The following RPS6KA2 variants were observed in gnomAD, a reference collection of about 807,000 sequenced individuals.
RPS6KA2 encodes the protein ribosomal protein S6 kinase A2, also known as ribosomal protein S6 kinase alpha-2.
RPS6KA2 carries 42 observed loss-of-function variants against 91.8 expected under a neutral mutation model. The ratio of observed to expected loss-of-function variants is 0.46; its 90% CI spans 0.36 to 0.59. The LOEUF is 0.59. Ranked by LOEUF, RPS6KA2 falls within the 20% of genes least tolerant of loss-of-function variation. The pLI is 0.00. For synonymous variants in RPS6KA2, 414 were observed against 393.6 expected (o/e 1.05, Z -0.61); for missense variants, 798 against 978.5 (o/e 0.82, Z 2.46).
intron 3 of RPS6KA2, among the ~76,000 whole-genome samples, chr6:166,519,143 G>A (rs1289055858): frequency 4.6e-5 from 7 of 152,352 alleles, no homozygotes; most frequent in South Asian, 2.1e-4. Flanking sequence ...AGTCCAAGGA[G>A]TTTTCATTTC....
chr6:166,824,610 T>C (rs1043124233), intron 2 of RPS6KA2, among the ~76,000 whole-genome samples: 1 of 148,814 alleles, frequency 6.7e-6, no homozygotes, highest in African/African-American at 2.5e-5. Flanking sequence ...GTCTAATATG[T>C]GTGTGTCTGT....
intron 10 of RPS6KA2, among the ~76,000 whole-genome samples, chr6:166,472,979 A>C (rs1780826820): frequency 6.6e-6 from 1 of 152,188 alleles, no homozygotes; most frequent in South Asian, 2.1e-4. Flanking sequence ...GTTCAGGGGA[A>C]CAGAAGATTC....
At chr6:166,653,737 C>T (rs1456590911) in intron 2 of RPS6KA2, among the ~76,000 whole-genome samples, 2 of 152,190 alleles carry the variant, frequency 1.3e-5, no homozygotes, top group African/African-American at 2.4e-5. Context: ...ACATGAATTC[C>T]AGGTAGCGGC....
chr6:166,613,888 C>T (rs971277856), intron 1 of RPS6KA2, among the ~76,000 whole-genome samples: 2 of 151,252 alleles, frequency 1.3e-5, no homozygotes, highest in Non-Finnish European at 1.5e-5. Context: ...AGGACACAGT[C>T]GGGCTTTCCA....
chr6:166,412,925 T>TCACTC lies in RPS6KA2; in HGVS notation c.2077-43_2077-39dup, dbSNP rs1778363290. 2.6e-6 allele frequency: 4 copies of TCACTC among 1,530,054 alleles called. No homozygotes were observed. The African/African-American group carries it at 5.5e-5, about 21-fold the overall frequency. The allele number at this position is 1,530,054 out of a possible 1,614,324, so 94.8% of individuals were successfully genotyped here. A position where few individuals can be genotyped will look rare whatever the true frequency, so the allele number is the denominator to read the frequency against. The stretch of plus-strand genomic sequence containing the variant: ...AGACAAGGGTGAGAGCCGCGGCGCC[T>TCACTC]CACTCCAGGGGTTGAGCCGGAGCCC... On this transcript the variant is annotated intron_variant, in intron 20 of 20. Coordinates refer to ENST00000265678, the MANE Select transcript of RPS6KA2 (RefSeq NM_021135.6). The surrounding 1 kb of genome is among the most constrained non-coding windows in gnomAD (Gnocchi z 4.3).
At chr6:166,724,947 C>T (rs1009400777) in intron 2 of RPS6KA2, among the ~76,000 whole-genome samples, 4 of 152,092 alleles carry the variant, frequency 2.6e-5, no homozygotes, top group East Asian at 1.9e-4. Flanking sequence ...CCTTTGTATT[C>T]GACTTCTCAA....
intron 2 of RPS6KA2, among the ~76,000 whole-genome samples, chr6:166,783,157 C>G (rs1778815648): frequency 1.3e-5 from 2 of 151,362 alleles, no homozygotes; most frequent in Middle Eastern, 3.4e-3. Context: ...GGAGGCTTCA[C>G]AGCTCACTGC....
At position 166,689,319 on chromosome 6, in the gene RPS6KA2, TC is replaced by T. The variant is rs1789126820; in HGVS notation, c.124-150536del. Among the ~76,000 whole-genome samples, 5 of 152,282 alleles carry T rather than the reference TC, an allele frequency of 3.3e-5. No homozygotes were observed. The South Asian group carries it at 1.0e-3, about 32-fold the overall frequency. Reference sequence around the variant, plus strand: ...CCAGGAGCCCGGGATGAAGGTAGCATCCCAAGGCACTCCTGCAGCGTTAGCA... The same window carrying T: ...CCAGGAGCCCGGGATGAAGGTAGCATCCAAGGCACTCCTGCAGCGTTAGCA... On this transcript the variant is annotated intron_variant, in intron 2 of 21. Coordinates refer to the RPS6KA2 transcript ENST00000503859.
chr6:166,760,550 T>G (rs1315899340), intron 2 of RPS6KA2, among the ~76,000 whole-genome samples: 1 of 152,254 alleles, frequency 6.6e-6, no homozygotes, highest in East Asian at 1.9e-4. Context: ...CTATCGCTCC[T>G]GGCAACAGGA....
chr6:166,630,767 T>C (rs1255059863), upstream of RPS6KA2, among the ~76,000 whole-genome samples: 25 of 152,236 alleles, frequency 1.6e-4, no homozygotes, highest in Non-Finnish European at 3.2e-4. Context: ...AGTCCCTGAG[T>C]GTACAGAAAG....
rs1484577423 is a variant in RPS6KA2 at position 166,493,927 on chromosome 6, G to A, written c.748-3186C>T. Among the ~76,000 whole-genome samples, 1 of 152,164 alleles carries A rather than the reference G, an allele frequency of 6.6e-6. No individual in the cohort carries two copies. The highest frequency in any genetic ancestry group is 2.1e-4 in the South Asian group (1 of 4,824). On this transcript the variant is annotated intron_variant, in intron 8 of 20. Coordinates refer to ENST00000265678, the MANE Select transcript of RPS6KA2 (RefSeq NM_021135.6). This position sits in a 1 kb window ranked among gnomAD's most constrained non-coding sequence, Gnocchi z 4.7. The stretch of plus-strand genomic sequence containing the variant: ...AGCTAAGGAACCTGGAAAGAGTGGC[G>A]GCCCCGGCACAGGCAGGATGCGCCT...
At chr6:166,837,007 A>T (rs780491313) in intron 2 of RPS6KA2, among the ~76,000 whole-genome samples, 3 of 152,188 alleles carry the variant, frequency 2.0e-5, no homozygotes, top group Non-Finnish European at 4.4e-5. Context: ...GGCCCAGCAC[A>T]GCGGGATTTC....
At chr6:166,614,873 T>C (rs1039917363) in intron 1 of RPS6KA2, among the ~76,000 whole-genome samples, 1 of 152,164 alleles carries the variant, frequency 6.6e-6, no homozygotes, top group Non-Finnish European at 1.5e-5. Flanking sequence ...CCCCAGATTA[T>C]CCAGGAACAT....
intron 2 of RPS6KA2, among the ~76,000 whole-genome samples, chr6:166,650,526 G>T (rs747963660): frequency 6.6e-6 from 1 of 151,804 alleles, no homozygotes; most frequent in African/African-American, 2.4e-5. Flanking sequence ...GGAGGGGTCC[G>T]TGTTCACTGT....
At chr6:166,491,991 G>A (rs1032671742) in intron 8 of RPS6KA2, among the ~76,000 whole-genome samples, 2 of 152,094 alleles carry the variant, frequency 1.3e-5, no homozygotes, top group African/African-American at 4.8e-5. Context: ...GTACACTTAG[G>A]ACATTTCCAA....
At chr6:166,646,320 C>T (rs945941354) in intron 2 of RPS6KA2, among the ~76,000 whole-genome samples, 2 of 152,192 alleles carry the variant, frequency 1.3e-5, no homozygotes, top group African/African-American at 4.8e-5. Flanking sequence ...AGCAGGGACC[C>T]CCCTGGACCC....
chr6:166,424,985 A>G (rs993539191), intron 16 of RPS6KA2, among the ~76,000 whole-genome samples: 17 of 152,202 alleles, frequency 1.1e-4, no homozygotes, highest in African/African-American at 4.1e-4. Flanking sequence ...ATATAAGCAA[A>G]GCTCTCTGCC....
upstream of RPS6KA2, among the ~76,000 whole-genome samples, chr6:166,631,182 T>C (rs1787064264): frequency 6.6e-6 from 1 of 152,214 alleles, no homozygotes; most frequent in Non-Finnish European, 1.5e-5. Context: ...TCTTAATGCG[T>C]AAAAGTCTTC....
chr6:166,424,579 T>C (rs115587649), intron 16 of RPS6KA2, among the ~76,000 whole-genome samples: 1,647 of 152,018 alleles, frequency 0.011, 28 homozygotes, highest in African/African-American at 0.036. Flanking sequence ...AACCAGAGAG[T>C]GGGAGTCCAA....
Sources: gnomAD v4.1 joint callset for allele counts (sites outside exome capture counted in the v4.1 genomes callset) on GRCh38, gnomAD v4.1.1 for gene constraint, Gnocchi (gnomAD v3.1) non-coding constraint, MANE v1.5 for transcripts, NCBI Gene and HGNC (gene_info 2026-07-23, HGNC 2026-07-21) for gene names.